Variants in R3HDM1 observed in about 807,000 individuals in gnomAD.
R3HDM1 encodes R3H domain-containing protein 1.
R3HDM1 carries 46 observed loss-of-function variants against 141.1 expected under a neutral mutation model. The ratio of observed to expected loss-of-function variants is 0.33; its 90% CI spans 0.26 to 0.42. The LOEUF (loss-of-function observed/expected upper bound fraction) is 0.42, where lower values mean the gene tolerates loss of function less well. Ranked by LOEUF, R3HDM1 falls within the 10% of genes least tolerant of loss-of-function variation. The pLI is 1.00. For missense variants in R3HDM1, 1,184 were observed against 1,368.3 expected, an observed-to-expected ratio of 0.87 and a Z score of 2.12; for synonymous variants, 435 against 472.9, an observed-to-expected ratio of 0.92 and a Z score of 1.04.
chr2:135,710,563 C>T (rs1165279616), intron 23 of R3HDM1, among the ~76,000 whole-genome samples: 4 of 151,988 alleles, frequency 2.6e-5, no homozygotes, highest in African/African-American at 9.7e-5. Flanking sequence ...GCAGGAGAAT[C>T]GCCTGAACCC....
intron 21 of R3HDM1, among the ~76,000 whole-genome samples, chr2:135,701,244 A>G (rs978743022): frequency 3.5e-5 from 5 of 144,686 alleles, no homozygotes; most frequent in Non-Finnish European, 7.5e-5. Flanking sequence ...AAAAAAAAAA[A>G]CTATAAAAAT....
At chr2:135,576,387 AGT>A (rs1705432013) in intron 1 of R3HDM1, among the ~76,000 whole-genome samples, 1 of 152,196 alleles carries the variant, frequency 6.6e-6, no homozygotes, top group Non-Finnish European at 1.5e-5. Context: ...AATAAAAAAA[AGT>A]GTTAAATCAC....
At chr2:135,577,316 A>G (rs1221792955) in intron 1 of R3HDM1, 1 of 609,022 alleles carries the variant, frequency 1.6e-6, no homozygotes, top group African/African-American at 2.0e-5. Context: ...ACCTTAGCCA[A>G]AAGGCCTATA....
intron 3 of R3HDM1, among the ~76,000 whole-genome samples, chr2:135,611,750 A>T (rs2060570018): frequency 6.6e-6 from 1 of 152,010 alleles, no homozygotes; most frequent in African/African-American, 2.4e-5. Flanking sequence ...AGGATTTGGT[A>T]CTCTTTCTAC....
intron 1 of R3HDM1, chr2:135,584,276 C>G: frequency 1.6e-6 from 1 of 640,252 alleles, no homozygotes; most frequent in Non-Finnish European, 1.9e-6. Context: ...TGCTGTGAGC[C>G]GAGATTGTGC....
chr2:135,668,208 A>G (rs1288908565), intron 19 of R3HDM1, among the ~76,000 whole-genome samples: 1 of 152,162 alleles, frequency 6.6e-6, no homozygotes, highest in Admixed American at 6.5e-5. Context: ...AGTAATTTTA[A>G]CCAACATAGA....
chr2:135,724,511 C>A lies in R3HDM1; in HGVS notation c.*219C>A, dbSNP rs2077003809. 6.8e-6 allele frequency: 3 copies of A among 438,792 alleles called. No homozygotes were observed. In the East Asian group the frequency reaches 1.0e-4, roughly 15 times the overall value. 27.2% of individuals were successfully genotyped at this position (438,792 alleles called of 1,614,324 possible). ...CCACATCAGAATGATACAGAGTTAG[C>A]AGGTTTTTCTAAGGAAATGCCATTC... On this transcript the variant is annotated 3_prime_UTR_variant, in exon 27 of 27. Coordinates refer to ENST00000683871, the MANE Select transcript of R3HDM1 (RefSeq NM_001378107.1).
At chr2:135,694,438 A>G (rs1445510218) in intron 21 of R3HDM1, among the ~76,000 whole-genome samples, 1 of 152,200 alleles carries the variant, frequency 6.6e-6, no homozygotes, top group Non-Finnish European at 1.5e-5. Flanking sequence ...GATCTTTAAA[A>G]CTTGCATCCT....
At chr2:135,633,630 G>C (rs894253933) in intron 9 of R3HDM1, 1 of 152,114 alleles carries the variant, frequency 6.6e-6, no homozygotes, top group Admixed American at 6.6e-5. Flanking sequence ...GAAGAAGGTT[G>C]TAAATCAGAA....
At chr2:135,670,833 G>A (rs1165061647) in intron 19 of R3HDM1, among the ~76,000 whole-genome samples, 1 of 151,972 alleles carries the variant, frequency 6.6e-6, no homozygotes, top group Non-Finnish European at 1.5e-5. Context: ...CAACAGGGGC[G>A]GTTCACTCTG....
At chr2:135,581,114 A>G in intron 1 of R3HDM1, 2 of 865,944 alleles carry the variant, frequency 2.3e-6, no homozygotes, top group Non-Finnish European at 2.8e-6. Flanking sequence ...AGAAGGCAGC[A>G]GAACCATTTT....
chr2:135,620,465 A>G (rs1008172265), intron 5 of R3HDM1: 1 of 967,600 alleles, frequency 1.0e-6, no homozygotes, highest in African/African-American at 1.8e-5. Context: ...AGTGTTTGTC[A>G]TCCTAGTAAA....
intron 3 of R3HDM1, among the ~76,000 whole-genome samples, chr2:135,608,771 A>G (rs1191489623): frequency 2.6e-5 from 4 of 152,136 alleles, no homozygotes; most frequent in South Asian, 2.1e-4. Flanking sequence ...TAGGTTTTCT[A>G]TTGAGATTTT....
At chr2:135,562,187 C>A (rs1473760031) in intron 1 of R3HDM1, among the ~76,000 whole-genome samples, 3 of 152,146 alleles carry the variant, frequency 2.0e-5, no homozygotes, top group East Asian at 1.9e-4. Context: ...ATCTTCACAG[C>A]GGTGACTAAT....
chr2:135,709,666 G>A, intron 22 of R3HDM1, 130 bp downstream of exon 22: 1 of 1,115,592 alleles, frequency 9.0e-7, no homozygotes. Flanking sequence ...TATTGAGGGT[G>A]CTGTACTGAA....
chr2:135,720,085 C>T (rs2076558436), intron 24 of R3HDM1, among the ~76,000 whole-genome samples: 2 of 152,126 alleles, frequency 1.3e-5, no homozygotes, highest in Non-Finnish European at 2.9e-5. Context: ...CCTCATGATC[C>T]GCCCGTCTCG....
At chr2:135,654,863 A>AGT (rs60593262) in intron 18 of R3HDM1, among the ~76,000 whole-genome samples, 2,953 of 136,662 alleles carry the variant, frequency 0.022, 53 homozygotes, top group Admixed American at 0.056. Flanking sequence ...GTGTATATAA[A>AGT]GTGTGTGTGT....
intron 1 of R3HDM1, among the ~76,000 whole-genome samples, chr2:135,600,495 C>G (rs1559209447): frequency 6.6e-6 from 1 of 152,168 alleles, no homozygotes; most frequent in Non-Finnish European, 1.5e-5. Flanking sequence ...ACATTTAAAT[C>G]AGTCAGTCCT....
chr2:135,532,146 C>T (rs528519780), intron 1 of R3HDM1, among the ~76,000 whole-genome samples: 23 of 152,382 alleles, frequency 1.5e-4, no homozygotes, highest in African/African-American at 5.5e-4. Context: ...CCCACGGCCG[C>T]ATCCCCTGGC....
Sources: gnomAD v4.1 joint callset for allele counts (sites outside exome capture counted in the v4.1 genomes callset) on GRCh38, gnomAD v4.1.1 for gene constraint, MANE v1.5 for transcripts, NCBI Gene and HGNC (gene_info 2026-07-23, HGNC 2026-07-21) for gene names.